The following RIMS2 variants were observed in gnomAD, a reference collection of about 807,000 sequenced individuals.
RIMS2 encodes the protein regulating synaptic membrane exocytosis protein 2.
RIMS2 carries 59 observed loss-of-function variants against 174.4 expected under a neutral mutation model. The ratio of observed to expected loss-of-function variants is 0.34; its 90% confidence interval spans 0.27 to 0.42. The LOEUF (loss-of-function observed/expected upper bound fraction) is 0.42, where lower values mean the gene tolerates loss of function less well. Among genes scored for constraint, RIMS2 ranks in the 10% least tolerant of loss-of-function variants. RIMS2 has a pLI of 1.00. For missense variants in RIMS2, 1,620 were observed against 1,666.3 expected (o/e 0.97, Z 0.48); for synonymous variants, 606 against 572.5 (o/e 1.06, Z -0.84).
At chr8:103,696,300 C>T (rs1224295164) in intron 1 of RIMS2, among the ~76,000 whole-genome samples, 1 of 151,908 alleles carries the variant, frequency 6.6e-6, no homozygotes, top group African/African-American at 2.4e-5. Context: ...GACTGGAGTG[C>T]CTATCTAGTG....
At chr8:103,954,285 T>C (rs1486966529) in intron 14 of RIMS2, among the ~76,000 whole-genome samples, 1 of 152,114 alleles carries the variant, frequency 6.6e-6, no homozygotes, top group East Asian at 1.9e-4. Flanking sequence ...CCACCCCACA[T>C]CAACAGAATA....
At chr8:104,219,771 C>G (rs1335788035) in intron 19 of RIMS2, among the ~76,000 whole-genome samples, 3 of 152,058 alleles carry the variant, frequency 2.0e-5, no homozygotes, top group African/African-American at 7.2e-5. Flanking sequence ...TGGAATTACA[C>G]TTAGTTTTAT....
intron 1 of RIMS2, among the ~76,000 whole-genome samples, chr8:103,605,819 T>G (rs1483891303): frequency 5.9e-5 from 9 of 152,000 alleles, no homozygotes; most frequent in Non-Finnish European, 1.2e-4. Flanking sequence ...TGATGGTAGT[T>G]TGTATTTCTG....
intron 3 of RIMS2, among the ~76,000 whole-genome samples, chr8:103,786,275 T>G (rs1172062026): frequency 6.6e-6 from 1 of 152,216 alleles, no homozygotes; most frequent in Admixed American, 6.5e-5. Context: ...TTTCCTTCAG[T>G]TCTCCTCTGA....
At chr8:104,207,913 T>G (rs1353429778) in intron 19 of RIMS2, among the ~76,000 whole-genome samples, 1 of 151,394 alleles carries the variant, frequency 6.6e-6, no homozygotes, top group Non-Finnish European at 1.5e-5. Context: ...AGGTTCTTCA[T>G]GGATGCAAGT....
At chr8:103,687,979 T>C (rs2136964216) in intron 1 of RIMS2, among the ~76,000 whole-genome samples, 1 of 152,246 alleles carries the variant, frequency 6.6e-6, no homozygotes, top group South Asian at 2.1e-4. Context: ...CATAGGAATA[T>C]GGATATCTCT....
chr8:103,533,308 A>G (rs950667562), intron 1 of RIMS2, among the ~76,000 whole-genome samples: 1 of 152,182 alleles, frequency 6.6e-6, no homozygotes, highest in African/African-American at 2.4e-5. Flanking sequence ...CAGCATTTCT[A>G]GTCAGTTACA....
At chr8:104,148,073 T>C (rs1404171963) in intron 19 of RIMS2, among the ~76,000 whole-genome samples, 1 of 151,932 alleles carries the variant, frequency 6.6e-6, no homozygotes, top group Non-Finnish European at 1.5e-5. Flanking sequence ...CTAATGAAAA[T>C]AGCAAGCCTT....
intron 3 of RIMS2, among the ~76,000 whole-genome samples, chr8:103,865,045 T>C (rs2099078038): frequency 6.6e-6 from 1 of 152,054 alleles, no homozygotes; most frequent in African/African-American, 2.4e-5. Flanking sequence ...ACTATTTCCC[T>C]TCATAGCACA....
chr8:103,565,603 G>A (rs1219666513), intron 1 of RIMS2, among the ~76,000 whole-genome samples: 2 of 152,200 alleles, frequency 1.3e-5, no homozygotes, highest in African/African-American at 4.8e-5. Flanking sequence ...CCTAGCAAGT[G>A]TTTTGACTCT....
chr8:103,805,091 C>T (rs1046129064), intron 3 of RIMS2, among the ~76,000 whole-genome samples: 6 of 152,054 alleles, frequency 3.9e-5, no homozygotes, highest in African/African-American at 7.2e-5. Flanking sequence ...CCACACCCAG[C>T]CTCATTTAAA....
At chr8:104,029,992 G>A (rs2096353673) in intron 19 of RIMS2, among the ~76,000 whole-genome samples, 1 of 152,096 alleles carries the variant, frequency 6.6e-6, no homozygotes, top group African/African-American at 2.4e-5. Flanking sequence ...GCTGATCAGG[G>A]AGCAGTAGTG....
At chr8:104,196,447 C>T (rs1262696251) in intron 19 of RIMS2, among the ~76,000 whole-genome samples, 2 of 151,958 alleles carry the variant, frequency 1.3e-5, no homozygotes, top group East Asian at 1.9e-4. Flanking sequence ...GAGTTGTTTT[C>T]CCTTATTATT....
At chr8:104,014,513 C>T (rs1024307124) in exon 19 of RIMS2, 2 of 1,600,208 alleles carry the variant, frequency 1.2e-6, no homozygotes, top group African/African-American at 2.7e-5. Flanking sequence ...TAGGTCTCAT[C>T]CTCGTACTGG....
At chr8:103,738,993 T>C (rs1361647545) in intron 2 of RIMS2, among the ~76,000 whole-genome samples, 1 of 152,138 alleles carries the variant, frequency 6.6e-6, no homozygotes, top group Non-Finnish European at 1.5e-5. Context: ...GATCTAGAAC[T>C]AGAAATACCA....
At chr8:104,238,898 T>C (rs1022642416) in intron 19 of RIMS2, among the ~76,000 whole-genome samples, 1 of 152,232 alleles carries the variant, frequency 6.6e-6, no homozygotes, top group African/African-American at 2.4e-5. Context: ...AGCATATAAA[T>C]TGTGGTCTAA....
intron 1 of RIMS2, among the ~76,000 whole-genome samples, chr8:103,613,026 TCTTA>T (rs1385269390): frequency 6.6e-6 from 1 of 152,102 alleles, no homozygotes; most frequent in Non-Finnish European, 1.5e-5. Context: ...GAGCATTGGG[TCTTA>T]CTTAAGTCCC....
At chr8:103,910,249 T>C in intron 5 of RIMS2, 72 bp from the exon 8 acceptor site, 1 of 1,532,276 alleles carries the variant, frequency 6.5e-7, no homozygotes, top group Non-Finnish European at 8.9e-7. Flanking sequence ...TCATTTCACT[T>C]TTCCTTTTTT....
At chr8:103,735,412 G>A (rs2097673318) in intron 2 of RIMS2, among the ~76,000 whole-genome samples, 1 of 151,240 alleles carries the variant, frequency 6.6e-6, no homozygotes, top group South Asian at 2.1e-4. Context: ...AATCCTTTTT[G>A]GTGTTTTTAT....
Sources: allele counts gnomAD v4.1 joint callset (sites outside exome capture counted in the v4.1 genomes callset), GRCh38; gene constraint gnomAD v4.1.1; transcripts MANE v1.5; gene names NCBI Gene and HGNC (gene_info 2026-07-23, HGNC 2026-07-21).